NBEAL1: variants seen among roughly 807,000 people sequenced by gnomAD.
NBEAL1 encodes neurobeachin like 1, also known as neurobeachin-like protein 1.
In NBEAL1, 273 loss-of-function variants were observed where a neutral mutation model predicts 351.3. That is an observed-to-expected ratio of 0.78 (90% CI 0.70 to 0.86). The LOEUF is 0.86. NBEAL1 is among the 40% of genes least tolerant of loss of function. The pLI is 0.00. For missense variants in NBEAL1, 2,961 were observed against 3,201.3 expected (o/e 0.92, Z 1.81); for synonymous variants, 1,050 against 1,086.4 (o/e 0.97, Z 0.66).
At position 203,202,691 on chromosome 2, in the gene NBEAL1, T is replaced by C. The variant is rs1317956961; in HGVS notation, c.7416T>C (p.Ile2472=). Residue 2472 remains isoleucine (I), a synonymous_variant, in exon 51 of 56, where the codon ATT becomes ATC. Coordinates refer to ENST00000683969, the MANE Select transcript of NBEAL1 (RefSeq NM_001378026.1). ...IISHIIRHMD[I]VTCLATDYCG... ...ATTTAATTCCTTTTCTTACAGATATTGTGACTTGCTTAGCTACAGATTACT... is the reference window on the plus strand; with the variant it reads ...ATTTAATTCCTTTTCTTACAGATATCGTGACTTGCTTAGCTACAGATTACT... 3 of 1,569,434 alleles carry C rather than the reference T, an allele frequency of 1.9e-6. No homozygotes were observed. Among genetic ancestry groups the C allele is most frequent in the Non-Finnish European group, 2.6e-6 (3 of 1,140,228 alleles).
chr2:203,127,082 G>A (rs2062954980), intron 23 of NBEAL1, among the ~76,000 whole-genome samples, 156 bp downstream of exon 23: 1 of 152,162 alleles, frequency 6.6e-6, no homozygotes, highest in South Asian at 2.1e-4. Context: ...GATGAACAGT[G>A]GATCGCATAC....
intron 10 of NBEAL1, among the ~76,000 whole-genome samples, chr2:203,093,506 C>T (rs1011814983): frequency 6.6e-6 from 1 of 152,114 alleles, no homozygotes; most frequent in Non-Finnish European, 1.5e-5. Context: ...TTTGATACCA[C>T]CTATCACATT....
At chr2:203,099,567 C>A (rs1213883362) in intron 11 of NBEAL1, 62 bp from the exon 12 acceptor site, 1 of 1,098,372 alleles carries the variant, frequency 9.1e-7, no homozygotes, top group Non-Finnish European at 1.3e-6. Context: ...CAAAGGTTTC[C>A]TAACTCAATA....
intron 55 of NBEAL1, 110 bp downstream of exon 55, chr2:203,213,763 C>A: frequency 6.5e-7 from 1 of 1,531,292 alleles, no homozygotes; most frequent in Non-Finnish European, 8.8e-7. Flanking sequence ...AAATTAAAAG[C>A]CAAATTTGAT....
At chr2:203,134,103 A>G (rs2063142297) in intron 27 of NBEAL1, among the ~76,000 whole-genome samples, 2 of 152,140 alleles carry the variant, frequency 1.3e-5, no homozygotes, top group Admixed American at 6.5e-5. Context: ...ATTTTTCCAC[A>G]TTGTCCTTCA....
chr2:203,129,623 GA>G (rs2063026769), intron 24 of NBEAL1, among the ~76,000 whole-genome samples: 1 of 152,082 alleles, frequency 6.6e-6, no homozygotes, highest in African/African-American at 2.4e-5. Flanking sequence ...ATATAATGAT[GA>G]ATTATTATTC....
At chr2:203,164,861 C>CTTTTTTTTT (rs36031308) in intron 36 of NBEAL1, among the ~76,000 whole-genome samples, 1 of 133,296 alleles carries the variant, frequency 7.5e-6, no homozygotes. Context: ...TCCCATTTCT[C>CTTTTTTTTT]TTTTTTTTTT....
intron 36 of NBEAL1, 42 bp downstream of exon 36, chr2:203,157,867 G>A (rs781160463): frequency 5.7e-6 from 8 of 1,412,418 alleles, no homozygotes; most frequent in Non-Finnish European, 5.6e-6. Flanking sequence ...TGAGAAAGGG[G>A]ATTGCAAAAT....
At chr2:203,041,294 GA>G (rs1309976490) in intron 2 of NBEAL1, among the ~76,000 whole-genome samples, 1 of 152,130 alleles carries the variant, frequency 6.6e-6, no homozygotes, top group African/African-American at 2.4e-5. Context: ...GCCTTGTTTT[GA>G]AAAGACTTGA....
At chr2:203,045,648 A>G (rs2106057648) in intron 3 of NBEAL1, among the ~76,000 whole-genome samples, 1 of 152,362 alleles carries the variant, frequency 6.6e-6, no homozygotes, top group Middle Eastern at 3.4e-3. Flanking sequence ...TGGTTCAGAA[A>G]GAAGCTAACT....
chr2:203,066,196 AT>A (rs2061582869), intron 6 of NBEAL1, among the ~76,000 whole-genome samples: 1 of 152,166 alleles, frequency 6.6e-6, no homozygotes, highest in Non-Finnish European at 1.5e-5. Context: ...GAGGATGTTT[AT>A]TGTTTGTAGC....
At chr2:203,090,686 C>G (rs2062046555) in intron 10 of NBEAL1, among the ~76,000 whole-genome samples, 1 of 151,970 alleles carries the variant, frequency 6.6e-6, no homozygotes, top group Non-Finnish European at 1.5e-5. Context: ...TTCAGGAGTT[C>G]CAGACTAGCC....
Position 203,080,483 on chromosome 2 carries a change from T to C in NBEAL1, c.684+2646T>C, listed in dbSNP as rs980764715. ...CTCCTTGTTTTTGCTCTGTTTTGTT[T>C]TCTCTCTGTATGTTTTTTTTCATTG... On this transcript the variant is annotated intron_variant, in intron 8 of 55. Transcript: ENST00000683969. Among the ~76,000 whole-genome samples the C allele has an allele frequency of 2.0e-5, 3 of 152,214 alleles. No homozygotes were observed. In the East Asian group the frequency reaches 5.8e-4, roughly 29 times the overall value.
chr2:203,057,759 A>G (rs80108875), intron 6 of NBEAL1, among the ~76,000 whole-genome samples: 1 of 128,340 alleles, frequency 7.8e-6, no homozygotes, highest in Non-Finnish European at 1.7e-5. Flanking sequence ...GTTATTTTTT[A>G]AAAAACATAC....
intron 2 of NBEAL1, among the ~76,000 whole-genome samples, chr2:203,033,260 A>G (rs1020336415): frequency 6.6e-6 from 1 of 152,210 alleles, no homozygotes; most frequent in Non-Finnish European, 1.5e-5. Context: ...TCGGCCTCCC[A>G]AAGTGCTGGA....
chr2:203,162,572 A>G (rs1396751398), intron 36 of NBEAL1, among the ~76,000 whole-genome samples: 1 of 151,452 alleles, frequency 6.6e-6, no homozygotes, highest in Admixed American at 6.6e-5. Context: ...GCAAAATTCC[A>G]TCTCTACCAA....
In NBEAL1 at chr2:203,136,737, A is replaced by G. The variant is rs1575025076; in HGVS notation, c.4528A>G (p.Ser1510Gly). The part of the protein sequence containing the change: ...FSALSKPGIS[S>G]ELLRPSDEIK... ...AGCACTAAGTAAACCAGGAATATCC[A>G]GTGAACTACTTCGACCATCAGATGA... The change falls in exon 29 of 56, where the codon AGT (serine) becomes GGT (glycine). Residue 1510 changes from serine (S) to glycine (G), a missense_variant. Transcript: ENST00000683969. 6.2e-7 allele frequency: 1 copy of G among 1,613,502 alleles called. No homozygotes were observed. The highest frequency in any genetic ancestry group is 2.2e-5 in the East Asian group (1 of 44,808).
chr2:203,166,359 CATGA>C, intron 37 of NBEAL1, 62 bp downstream of exon 37: 1 of 1,433,712 alleles, frequency 7.0e-7, no homozygotes, highest in South Asian at 1.3e-5. Flanking sequence ...ATTTATCAAT[CATGA>C]ATGAGAAGAA....
chr2:203,060,761 G>A (rs1220162048), intron 6 of NBEAL1, among the ~76,000 whole-genome samples: 2 of 152,210 alleles, frequency 1.3e-5, no homozygotes, highest in Non-Finnish European at 2.9e-5. Context: ...GCATTTGTGA[G>A]CATTAATTTA....
Sources: allele counts gnomAD v4.1 joint callset (sites outside exome capture counted in the v4.1 genomes callset), GRCh38; gene constraint gnomAD v4.1.1; transcripts MANE v1.5; gene names NCBI Gene and HGNC (gene_info 2026-07-23, HGNC 2026-07-21).